Variants in AGL observed in about 807,000 individuals in gnomAD.
AGL encodes glycogen debranching enzyme.
In AGL, 128 loss-of-function variants were observed where a neutral mutation model predicts 199.3. That is an observed-to-expected ratio of 0.64 (90% CI 0.56 to 0.74). The LOEUF (loss-of-function observed/expected upper bound fraction) is 0.74, where lower values mean the gene tolerates loss of function less well. Ranked by LOEUF, AGL falls within the 30% of genes least tolerant of loss-of-function variation. AGL has a pLI of 0.00. For missense variants in AGL, 1,809 were observed against 1,820.8 expected (o/e 0.99, Z 0.12); for synonymous variants, 584 against 594.7 (o/e 0.98, Z 0.26).
At chr1:99,882,264 T>C (rs887052964) in intron 17 of AGL, among the ~76,000 whole-genome samples, 7 of 152,222 alleles carry the variant, frequency 4.6e-5, no homozygotes, top group African/African-American at 1.7e-4. Context: ...TGTTTATATT[T>C]TATTTCCTAA....
At position 99,915,437 on chromosome 1, in the gene AGL, G is replaced by A. The variant is rs760699630; in HGVS notation, c.4210G>A (p.Ala1404Thr). The A allele has an allele frequency of 1.1e-5, 17 of 1,613,588 alleles. No individual in the cohort carries two copies. The African/African-American group carries it at 2.1e-4, about 20-fold the overall frequency. ...AAAAGCATGGAAAGCTTTGGAGATT[G>A]CAGAAAAAAAATTGCTTGGTCCCCT... Reference protein sequence around the residue: ...TEKAWKALEIAEKKLLGPLGM... With the variant: ...TEKAWKALEITEKKLLGPLGM... Residue 1404 changes from alanine to threonine, a missense_variant, in exon 31 of 34, where the codon GCA becomes ACA. Coordinates refer to ENST00000361915, the MANE Select transcript of AGL (RefSeq NM_000642.3).
At chr1:99,907,979 A>G (rs1654449985) in intron 27 of AGL, among the ~76,000 whole-genome samples, 1 of 152,026 alleles carries the variant, frequency 6.6e-6, no homozygotes, top group African/African-American at 2.4e-5. Flanking sequence ...TCTATTCACT[A>G]TCTTAAAAGT....
intron 21 of AGL, among the ~76,000 whole-genome samples, chr1:99,888,463 C>T (rs575155018): frequency 6.6e-6 from 1 of 152,056 alleles, no homozygotes; most frequent in Non-Finnish European, 1.5e-5. Flanking sequence ...TTTATGTATA[C>T]TTGGACCTTG....
At chr1:99,869,851 G>A (rs1193086767) in intron 5 of AGL, among the ~76,000 whole-genome samples, 1 of 152,064 alleles carries the variant, frequency 6.6e-6, no homozygotes, top group Non-Finnish European at 1.5e-5. Flanking sequence ...GTAGATATAA[G>A]GTTTCACTGT....
intron 24 of AGL, 140 bp from the exon 25 acceptor site, chr1:99,896,146 A>C (rs1039590138): frequency 1.4e-6 from 1 of 713,192 alleles, no homozygotes; most frequent in African/African-American, 1.8e-5. Context: ...TTTTGCAAAT[A>C]ATTTTAGAGG....
In AGL at chr1:99,880,771, G is replaced by T. The variant is rs141944878; in HGVS notation, c.1875G>T (p.Thr625=). 2.2e-3 allele frequency: 3,499 copies of T among 1,613,880 alleles called. 6 individuals are homozygous for T. The highest frequency in any genetic ancestry group is 2.7e-3 in the Non-Finnish European group (3,145 of 1,179,886). ...CACATGCCCTGTTTATGGATATTAC[G>T]CATGATAATGAGTGTCCTATTGTGG... The part of the protein sequence containing the change: ...AIAHALFMDI[T]HDNECPIVHR... The change falls in exon 14 of 34, where the codon ACG becomes ACT. Residue 625 remains threonine (T), a synonymous_variant. Transcript: ENST00000361915.
At chr1:99,864,354 T>G in intron 4 of AGL, 32 bp from the exon 5 acceptor site, 2 of 1,569,194 alleles carry the variant, frequency 1.3e-6, no homozygotes, top group Non-Finnish European at 8.8e-7. Flanking sequence ...TTGTTTGTTT[T>G]TACAGTGGTC....
At position 99,916,816 on chromosome 1, in the gene AGL, G is replaced by T. The variant is rs988621253; in HGVS notation, c.4481+85G>T. ...AGGTAAATTACAGTTTCTTAGAATT[G>T]ATTTCTGTATGCCCTAGGTATCCCA... is the stretch of plus-strand genomic sequence containing the variant. On this transcript the variant is annotated intron_variant, in intron 33 of 33. Transcript: ENST00000361915. The T allele has an allele frequency of 5.5e-5, 79 of 1,443,432 alleles. No individual in the cohort carries two copies. The Admixed American group carries it at 1.3e-3, about 24-fold the overall frequency. 89.4% of individuals were successfully genotyped at this position (1,443,432 alleles called of 1,614,324 possible).
In AGL at chr1:99,884,320, T is replaced by A. The variant is rs1449662836; in HGVS notation, c.2434-19T>A. On this transcript the variant is annotated intron_variant, in intron 18 of 33. Transcript: ENST00000361915. ...GAACTATTTGTTGAATGGATTTTTTTAATGTACTTTTTTTCAAGCTTAATG... is the reference window on the plus strand; with the variant it reads ...GAACTATTTGTTGAATGGATTTTTTAAATGTACTTTTTTTCAAGCTTAATG... 1 of 1,612,636 alleles carries A rather than the reference T, an allele frequency of 6.2e-7. No individual in the cohort carries two copies. The highest frequency in any genetic ancestry group is 1.7e-5 in the Admixed American group (1 of 59,940).
At chr1:99,868,649 G>T (rs1023965720) in intron 5 of AGL, among the ~76,000 whole-genome samples, 2 of 151,930 alleles carry the variant, frequency 1.3e-5, no homozygotes, top group Non-Finnish European at 2.9e-5. Context: ...GTGTGTGTTG[G>T]CATACACTTG....
At chr1:99,858,344 G>C (rs1163056141) in intron 2 of AGL, among the ~76,000 whole-genome samples, 1 of 152,180 alleles carries the variant, frequency 6.6e-6, no homozygotes, top group Non-Finnish European at 1.5e-5. Flanking sequence ...GAGTGAGAAA[G>C]TTAAGTGCTT....
chr1:99,874,536 T>G, intron 7 of AGL, 151 bp from the exon 8 acceptor site: 1 of 740,928 alleles, frequency 1.3e-6, no homozygotes, highest in Non-Finnish European at 2.2e-6. Flanking sequence ...CACAGCAGGA[T>G]GAGAAGGGGA....
intron 20 of AGL, among the ~76,000 whole-genome samples, chr1:99,885,731 C>T (rs925630075): frequency 6.6e-6 from 1 of 152,144 alleles, no homozygotes; most frequent in African/African-American, 2.4e-5. Context: ...CCACTGTTTG[C>T]CATCACCCCC....
At chr1:99,883,327 G>A (rs1043807857) in intron 17 of AGL, among the ~76,000 whole-genome samples, 13 of 152,062 alleles carry the variant, frequency 8.5e-5, no homozygotes, top group Non-Finnish European at 1.8e-4. Flanking sequence ...TGACCCTGCA[G>A]TTCTATCCCT....
intron 2 of AGL, chr1:99,852,497 G>C (rs1310626808): frequency 3.3e-6 from 2 of 602,862 alleles, no homozygotes; most frequent in Non-Finnish European, 5.8e-6. Flanking sequence ...AGCCTCCCAA[G>C]TAGCTGGGAC....
At chr1:99,856,321 TTCCTTCCTCCCTCCCTCCCTCCCTCCCTC>T (rs1649428814) in intron 2 of AGL, among the ~76,000 whole-genome samples, 1 of 32,272 alleles carries the variant, frequency 3.1e-5, no homozygotes, top group African/African-American at 2.7e-4. Flanking sequence ...CCTCCCTCCC[TTCCTTCCTCCCTCCCTCCCTCCCTCCCTC>T]CCTCCCTCCC....
intron 26 of AGL, 96 bp downstream of exon 26, chr1:99,900,957 C>A: frequency 9.0e-7 from 1 of 1,116,706 alleles, no homozygotes; most frequent in Non-Finnish European, 1.3e-6. Flanking sequence ...ATTAAGAATC[C>A]AAATCTTACG....
At chr1:99,872,167 G>C (rs1353464806) in intron 7 of AGL, among the ~76,000 whole-genome samples, 1 of 152,002 alleles carries the variant, frequency 6.6e-6, no homozygotes, top group East Asian at 1.9e-4. Context: ...GTTGTTTCCA[G>C]TTTTTTCATT....
chr1:99,881,468 T>G (rs373908304), intron 16 of AGL, 21 bp downstream of exon 16: 70 of 1,613,884 alleles, frequency 4.3e-5, no homozygotes, highest in Non-Finnish European at 5.8e-5. Context: ...ATTAAATTTG[T>G]TTCTTCAGGT....
Sources: allele counts gnomAD v4.1 joint callset (sites outside exome capture counted in the v4.1 genomes callset), GRCh38; gene constraint gnomAD v4.1.1; transcripts MANE v1.5; gene names NCBI Gene and HGNC (gene_info 2026-07-23, HGNC 2026-07-21).